DISC1: variants seen among roughly 807,000 people sequenced by gnomAD.
The protein encoded by DISC1 is DISC1 scaffold protein.
A neutral mutation model predicts 84.5 loss-of-function variants in DISC1; 57 were observed. The observed-to-expected ratio is 0.67, with a 90% CI of 0.55 to 0.84. The LOEUF (loss-of-function observed/expected upper bound fraction) is 0.84. Ranked by LOEUF, DISC1 falls within the 40% of genes least tolerant of loss-of-function variation. The pLI is 0.00. For synonymous variants in DISC1, 411 were observed against 415.2 expected, an observed-to-expected ratio of 0.99 and a Z score of 0.12; for missense variants, 1,000 against 1,057.8, an observed-to-expected ratio of 0.95 and a Z score of 0.76.
chr1:231,872,636 T>C (rs887957711), intron 9 of DISC1, among the ~76,000 whole-genome samples: 2 of 152,292 alleles, frequency 1.3e-5, no homozygotes, highest in African/African-American at 4.8e-5. Context: ...TTGCATACTG[T>C]TTGCCTTTGT....
chr1:231,823,944 C>T lies in DISC1; in HGVS notation c.1981+5427C>T, dbSNP rs367871406. ...TTTTTAAAGGGGTCATTCTAAGAGT[C>T]CTCAAATTTTAAGAAACATTAAGAT... On this transcript the variant is annotated intron_variant, in intron 9 of 12. Transcript: ENST00000439617. Among the ~76,000 whole-genome samples, 60 of 152,002 alleles carry T rather than the reference C, an allele frequency of 3.9e-4. 1 individual carries two copies. In the South Asian group the frequency reaches 0.012, roughly 29 times the overall value.
chr1:232,009,457 T>TCTAC lies in DISC1; in HGVS notation c.2307+408_2307+409insCTAC. The TCTAC allele has an allele frequency of 1.7e-6, 1 of 577,908 alleles. No homozygotes were observed. Among genetic ancestry groups the TCTAC allele is most frequent in the Non-Finnish European group, 2.2e-6 (1 of 460,208 alleles). The allele number at this position is 577,908 out of a possible 1,614,324, so 35.8% of individuals were successfully genotyped here. On this transcript the variant is annotated intron_variant, in intron 11 of 12. Transcript: ENST00000439617. The surrounding 1 kb of genome is among the most constrained non-coding windows in gnomAD (Gnocchi z 4.6). The stretch of plus-strand genomic sequence containing the variant: ...TATGTATTGTATGTCATATATGATG[T>TCTAC]TTATATATTTAGAATCTATATATTA...
chr1:231,980,365 G>A (rs200342669), intron 10 of DISC1, among the ~76,000 whole-genome samples: 34 of 152,128 alleles, frequency 2.2e-4, no homozygotes, highest in Non-Finnish European at 4.1e-4. Context: ...CTGCAAAAAT[G>A]GGAAACCAGA....
At chr1:231,837,390 C>T (rs1326711200) in intron 9 of DISC1, among the ~76,000 whole-genome samples, 2 of 152,130 alleles carry the variant, frequency 1.3e-5, no homozygotes, top group Non-Finnish European at 2.9e-5. Context: ...CAACTAATTA[C>T]CAAACACGGA....
rs551992863 is a variant in DISC1 at position 231,727,529 on chromosome 1, C to T, written c.1118-22397C>T. On this transcript the variant is annotated intron_variant, in intron 3 of 12. Coordinates refer to ENST00000439617, the MANE Select transcript of DISC1 (RefSeq NM_018662.3). ...ATTAATTCCTCCTCTATTTGACCAT[C>T]CTCTGGGTGTTGGGACTCACTGAAT... Among the ~76,000 whole-genome samples the T allele has an allele frequency of 5.9e-5, 9 of 152,250 alleles. No homozygotes were observed. The East Asian group carries it at 1.7e-3, about 29-fold the overall frequency.
Position 231,831,848 on chromosome 1 carries a change from G to T in DISC1, c.1981+13331G>T, listed in dbSNP as rs538429116. Among the ~76,000 whole-genome samples the T allele has an allele frequency of 1.4e-4, 12 of 86,134 alleles. No individual in the cohort carries two copies. In the South Asian group the frequency reaches 2.8e-3, roughly 20 times the overall value. 56.5% of individuals were successfully genotyped at this position (86,134 alleles called of 152,430 possible). A position where few individuals can be genotyped will look rare whatever the true frequency, so the allele number is the denominator to read the frequency against. On this transcript the variant is annotated intron_variant, in intron 9 of 12. Coordinates refer to ENST00000439617, the MANE Select transcript of DISC1 (RefSeq NM_018662.3). Reference sequence around the variant, plus strand: ...AACTAGTTCGGCTTTCTGAGAGGTAGTGGGGGGGGGTGGGCAGAGTGGTAG... The same window carrying T: ...AACTAGTTCGGCTTTCTGAGAGGTATTGGGGGGGGGTGGGCAGAGTGGTAG...
chr1:231,955,093 CA>C lies in DISC1; in HGVS notation c.1982-3734del, dbSNP rs371858069. ...GATAGACATCTAGATTCTTTTTAAA[CA>C]TAAGAATATGGCTTTCTTTTCTTCA... On this transcript the variant is annotated intron_variant, in intron 9 of 12. Coordinates refer to ENST00000439617, the MANE Select transcript of DISC1 (RefSeq NM_018662.3). Among the ~76,000 whole-genome samples, 347 of 152,304 alleles carry C rather than the reference CA, an allele frequency of 2.3e-3. 4 individuals carry two copies. Among genetic ancestry groups the C allele is most frequent in the African/African-American group, 7.8e-3 (324 of 41,568 alleles).
intron 1 of DISC1, among the ~76,000 whole-genome samples, chr1:231,664,934 A>T (rs2061887945): frequency 6.6e-6 from 1 of 152,178 alleles, no homozygotes; most frequent in African/African-American, 2.4e-5. Flanking sequence ...CTATGTTATG[A>T]ATGCATAAAA....
At chr1:231,866,393 G>T in intron 9 of DISC1, 1 of 640,428 alleles carries the variant, frequency 1.6e-6, no homozygotes, top group Non-Finnish European at 2.9e-6. Flanking sequence ...GTCACTTCAA[G>T]CAGAAATGTA....
At chr1:231,876,280 C>T (rs1316400064) in intron 9 of DISC1, among the ~76,000 whole-genome samples, 1 of 152,178 alleles carries the variant, frequency 6.6e-6, no homozygotes, top group Non-Finnish European at 1.5e-5. Flanking sequence ...CCCGCTTGCT[C>T]TCTTGCTCCT....
At chr1:232,011,348 T>C (rs821624) in intron 11 of DISC1, among the ~76,000 whole-genome samples, 73,655 of 151,998 alleles carry the variant, frequency 0.48, 20,871 homozygotes, top group African/African-American at 0.8. Flanking sequence ...TCTCCACCAA[T>C]TGAAATGCTG....
intron 4 of DISC1, among the ~76,000 whole-genome samples, chr1:231,751,936 A>C (rs920282197): frequency 6.6e-6 from 1 of 152,248 alleles, no homozygotes; most frequent in Non-Finnish European, 1.5e-5. Flanking sequence ...TGATATCTAC[A>C]TGTATAGAGA....
chr1:231,838,060 G>T (rs1434787489), intron 9 of DISC1, among the ~76,000 whole-genome samples: 1 of 152,118 alleles, frequency 6.6e-6, no homozygotes, highest in Non-Finnish European at 1.5e-5. Flanking sequence ...AAAAGTCCTG[G>T]ATTCATTAAT....
At chr1:231,764,700 G>A (rs544445141) in intron 4 of DISC1, among the ~76,000 whole-genome samples, 7 of 152,088 alleles carry the variant, frequency 4.6e-5, no homozygotes, top group Non-Finnish European at 8.8e-5. Flanking sequence ...TTTTGTAGCC[G>A]ATCTTTGTGT....
intron 3 of DISC1, among the ~76,000 whole-genome samples, chr1:231,721,288 C>T (rs1249092353): frequency 6.6e-6 from 1 of 150,716 alleles, no homozygotes; most frequent in African/African-American, 2.4e-5. Flanking sequence ...TTCCACACTA[C>T]AGATGAGAAA....
intron 8 of DISC1, among the ~76,000 whole-genome samples, chr1:231,817,801 C>A (rs2081172031): frequency 1.3e-5 from 2 of 151,980 alleles, no homozygotes; most frequent in African/African-American, 2.4e-5. Context: ...CTTGTTTATT[C>A]TTGTAACTAC....
chr1:231,850,495 G>A (rs2083816102), intron 9 of DISC1, among the ~76,000 whole-genome samples: 1 of 152,252 alleles, frequency 6.6e-6, no homozygotes, highest in South Asian at 2.1e-4. Context: ...GTTGTGCGGA[G>A]CACAAAGTAG....
In DISC1 at chr1:231,897,869, TA is replaced by T; in HGVS notation, c.1982-60955del. ...AAATCTAGCTTCAAAACTCAAGTGC[TA>T]AAACACCAAAATAGTGTTATAGAGG... On this transcript the variant is annotated intron_variant, in intron 9 of 12. Coordinates refer to ENST00000439617, the MANE Select transcript of DISC1 (RefSeq NM_018662.3). The surrounding 1 kb of genome is among the most constrained non-coding windows in gnomAD (Gnocchi z 4.5). 1.3e-5 allele frequency among the ~76,000 whole-genome samples: 2 copies of T among 152,336 alleles called. No individual in the cohort carries two copies. Among genetic ancestry groups the T allele is most frequent in the Middle Eastern group, 6.8e-3 (2 of 294 alleles).
chr1:231,845,401 G>A (rs1241639794), intron 9 of DISC1, among the ~76,000 whole-genome samples: 3 of 152,140 alleles, frequency 2.0e-5, no homozygotes, highest in Non-Finnish European at 2.9e-5. Context: ...GAAGGCCGGC[G>A]GGGGGAGGTT....
Sources: allele counts gnomAD v4.1 joint callset (sites outside exome capture counted in the v4.1 genomes callset), GRCh38; gene constraint gnomAD v4.1.1; non-coding constraint Gnocchi (gnomAD v3.1); transcripts MANE v1.5; gene names NCBI Gene and HGNC (gene_info 2026-07-23, HGNC 2026-07-21).